Variants in TBX20 observed in about 807,000 individuals in gnomAD.
TBX20 encodes the protein T-box transcription factor 20.
In TBX20, 8 loss-of-function variants were observed where a neutral mutation model predicts 42.9. The observed-to-expected ratio is 0.19, with a 90% CI of 0.11 to 0.34. The LOEUF is 0.34. Ranked by LOEUF, TBX20 falls within the 10% of genes least tolerant of loss-of-function variation. The probability of loss-of-function intolerance (pLI) is 1.00; values close to 1 mark genes in which losing one functional copy is unlikely to be tolerated. For missense variants in TBX20, 411 were observed against 566.0 expected, an observed-to-expected ratio of 0.73 and a Z score of 2.78; for synonymous variants, 198 against 222.8, an observed-to-expected ratio of 0.89 and a Z score of 0.99.
intron 3 of TBX20, among the ~76,000 whole-genome samples, chr7:35,248,007 T>C (rs1158069732): frequency 1.1e-4 from 16 of 152,210 alleles, no homozygotes; most frequent in Admixed American, 1.0e-3. Context: ...AAAAACTGTA[T>C]TATTAGCAAT....
intron 6 of TBX20, among the ~76,000 whole-genome samples, chr7:35,209,216 C>T (rs1044839415): frequency 6.6e-6 from 1 of 151,970 alleles, no homozygotes; most frequent in Non-Finnish European, 1.5e-5. Flanking sequence ...AGTTAAAACT[C>T]TTCCCTCCTC....
At chr7:35,242,661 T>C (rs1292985295) in intron 4 of TBX20, among the ~76,000 whole-genome samples, 1 of 152,170 alleles carries the variant, frequency 6.6e-6, no homozygotes, top group Admixed American at 6.5e-5. Flanking sequence ...GAAGGTTAAT[T>C]TCCTTTGGGA....
intron 1 of TBX20, among the ~76,000 whole-genome samples, chr7:35,253,007 G>A (rs1434238705): frequency 6.6e-6 from 1 of 152,166 alleles, no homozygotes; most frequent in African/African-American, 2.4e-5. Flanking sequence ...GTTCGTGTAG[G>A]GAGAACTGGC....
intron 4 of TBX20, among the ~76,000 whole-genome samples, chr7:35,244,534 GA>G (rs1790143445): frequency 1.3e-5 from 2 of 152,114 alleles, no homozygotes; most frequent in Non-Finnish European, 2.9e-5. Flanking sequence ...TACACTTTGG[GA>G]AACCCCCATC....
At chr7:35,228,013 G>A (rs1404803467) in intron 6 of TBX20, among the ~76,000 whole-genome samples, 1 of 151,828 alleles carries the variant, frequency 6.6e-6, no homozygotes, top group Non-Finnish European at 1.5e-5. Flanking sequence ...GCATGATTAT[G>A]AATTTTATTA....
chr7:35,214,793 T>G (rs1283684198), intron 6 of TBX20, among the ~76,000 whole-genome samples: 1 of 152,180 alleles, frequency 6.6e-6, no homozygotes, highest in East Asian at 1.9e-4. Flanking sequence ...TTAACAAAAT[T>G]TTACATGAAC....
intron 6 of TBX20, among the ~76,000 whole-genome samples, chr7:35,207,177 GA>G (rs1451802765): frequency 6.6e-6 from 1 of 152,210 alleles, no homozygotes; most frequent in Non-Finnish European, 1.5e-5. Flanking sequence ...ACTGATGCCT[GA>G]TATGGTCAAT....
Position 35,253,494 on chromosome 7 carries a change from C to G in TBX20, c.127G>C (p.Glu43Gln). ...CGGACAGCCGGGTAGCCCAACTTACCCAGGGGTTTGATTGTGTTCTCCGTC... is the reference window on the plus strand; with the variant it reads ...CGGACAGCCGGGTAGCCCAACTTACGCAGGGGTTTGATTGTGTTCTCCGTC... The part of the protein sequence containing the change: ...EATENTIKPL[E>Q]QFVEKSSCAQ... The change falls in exon 1 of 8, where the codon GAG (glutamate) becomes CAG (glutamine). Residue 43 changes from glutamate (E) to glutamine (Q), a missense_variant and splice_region_variant. Glu to Gln is a conservative substitution (Grantham distance 29). Coordinates refer to ENST00000408931, the MANE Select transcript of TBX20 (RefSeq NM_001077653.2). 1 of 1,610,212 alleles carries G rather than the reference C, an allele frequency of 6.2e-7. No homozygotes were observed. The highest frequency in any genetic ancestry group is 8.5e-7 in the Non-Finnish European group (1 of 1,178,778).
chr7:35,248,950 C>T (rs1469358352), intron 2 of TBX20, 109 bp from the exon 3 acceptor site: 1 of 1,283,750 alleles, frequency 7.8e-7, no homozygotes, highest in African/African-American at 1.5e-5. Context: ...GGTCTGACTC[C>T]CCTCTCTATC....
chr7:35,210,907 G>A (rs1343880975), intron 6 of TBX20, among the ~76,000 whole-genome samples: 1 of 152,054 alleles, frequency 6.6e-6, no homozygotes, highest in African/African-American at 2.4e-5. Flanking sequence ...ATATAGTTAA[G>A]TTGAAGTCTG....
rs1345371183 is a variant in TBX20, at chr7:35,248,990, T to G, written c.381-149A>C. 6 of 928,254 alleles carry G rather than the reference T, an allele frequency of 6.5e-6. No homozygotes were observed. The East Asian group carries it at 1.6e-4, about 25-fold the overall frequency. 57.5% of individuals were successfully genotyped at this position (928,254 alleles called of 1,614,324 possible). A position where few individuals can be genotyped will look rare whatever the true frequency, so the allele number is the denominator to read the frequency against. On this transcript the variant is annotated intron_variant, in intron 2 of 7. Coordinates refer to ENST00000408931, the MANE Select transcript of TBX20 (RefSeq NM_001077653.2). ...CCACAAACCCCTCTTTTGTTTTGTTTAAAGCCTCAGAGAAGTGAATACAGA... is the reference window on the plus strand; with the variant it reads ...CCACAAACCCCTCTTTTGTTTTGTTGAAAGCCTCAGAGAAGTGAATACAGA...
chr7:35,253,465 T>C (rs757811604), intron 1 of TBX20, 29 bp downstream of exon 1: 5 of 1,600,588 alleles, frequency 3.1e-6, no homozygotes, highest in Admixed American at 3.4e-5. Context: ...TCCCCAGTCC[T>C]CGGCGGACAG....
intron 5 of TBX20, among the ~76,000 whole-genome samples, chr7:35,232,750 G>A (rs1387383809): frequency 2.0e-5 from 3 of 152,196 alleles, no homozygotes; most frequent in Non-Finnish European, 4.4e-5. Flanking sequence ...CAGGCCGGGT[G>A]CCTGTGGCTC....
chr7:35,223,943 T>C (rs1789725844), intron 6 of TBX20, among the ~76,000 whole-genome samples: 1 of 152,186 alleles, frequency 6.6e-6, no homozygotes, highest in Non-Finnish European at 1.5e-5. Flanking sequence ...TGTAGTCCTA[T>C]GGATTTTTAA....
At chr7:35,234,679 C>T (rs1789929454) in intron 5 of TBX20, among the ~76,000 whole-genome samples, 4 of 152,146 alleles carry the variant, frequency 2.6e-5, no homozygotes, top group Admixed American at 2.6e-4. Flanking sequence ...CAATTAGCCA[C>T]AGCAATGATT....
rs1790253008 is a variant in TBX20, at chr7:35,249,019, A to G, written c.381-178T>C. Among the ~76,000 whole-genome samples, 1 of 133,344 alleles carries G rather than the reference A, an allele frequency of 7.5e-6. No individual in the cohort carries two copies. 87.5% of individuals were successfully genotyped at this position (133,344 alleles called of 152,430 possible). A position where few individuals can be genotyped will look rare whatever the true frequency, so the allele number is the denominator to read the frequency against. ...GCCTCAGAGAAGTGAATACAGAGAC[A>G]GGGTTTTCTTCCAAGCCTAGATAAT... On this transcript the variant is annotated intron_variant, in intron 2 of 7. Coordinates refer to ENST00000408931, the MANE Select transcript of TBX20 (RefSeq NM_001077653.2). The surrounding 1 kb of genome is among the most constrained non-coding windows in gnomAD (Gnocchi z 4.3).
At chr7:35,204,281 A>G (rs1789356974) in intron 7 of TBX20, among the ~76,000 whole-genome samples, 189 bp downstream of exon 7, 2 of 152,008 alleles carry the variant, frequency 1.3e-5, no homozygotes, top group Admixed American at 6.5e-5. Flanking sequence ...ATCATCGCCT[A>G]TGATTCAAAG....
chr7:35,212,178 C>A (rs1789508079), intron 6 of TBX20, among the ~76,000 whole-genome samples: 1 of 152,130 alleles, frequency 6.6e-6, no homozygotes, highest in Non-Finnish European at 1.5e-5. Flanking sequence ...GTTCACTAAT[C>A]TTTTCATCTG....
chr7:35,206,081 A>G (rs910803076), intron 6 of TBX20, among the ~76,000 whole-genome samples: 25 of 152,256 alleles, frequency 1.6e-4, no homozygotes, highest in African/African-American at 5.8e-4. Flanking sequence ...TCCAGTTTCC[A>G]GAACAAGAAA....
Sources: allele counts gnomAD v4.1 joint callset (sites outside exome capture counted in the v4.1 genomes callset), GRCh38; gene constraint gnomAD v4.1.1; non-coding constraint Gnocchi (gnomAD v3.1); transcripts MANE v1.5; gene names NCBI Gene and HGNC (gene_info 2026-07-23, HGNC 2026-07-21).